The following PDE4B variants were observed in gnomAD, a reference collection of about 807,000 sequenced individuals.
PDE4B encodes the protein 3',5'-cyclic-AMP phosphodiesterase 4B.
A neutral mutation model predicts 82.2 loss-of-function variants in PDE4B; 20 were observed. That is an observed-to-expected ratio of 0.24 (90% confidence interval 0.17 to 0.35). PDE4B has a LOEUF of 0.35. PDE4B is among the 10% of genes least tolerant of loss of function. The pLI, the probability that PDE4B is intolerant of heterozygous loss-of-function variation, is 1.00. For synonymous variants in PDE4B, 320 were observed against 318.9 expected, an observed-to-expected ratio of 1.00 and a Z score of -0.04; for missense variants, 655 against 907.2, an observed-to-expected ratio of 0.72 and a Z score of 3.57.
chr1:66,194,388 C>A (rs1648093739), intron 3 of PDE4B, among the ~76,000 whole-genome samples: 1 of 151,962 alleles, frequency 6.6e-6, no homozygotes, highest in Non-Finnish European at 1.5e-5. Context: ...TTCTGTTTAA[C>A]AAAACATATA....
chr1:65,955,599 C>T (rs1649217559), intron 3 of PDE4B, among the ~76,000 whole-genome samples: 1 of 152,156 alleles, frequency 6.6e-6, no homozygotes. Flanking sequence ...ATGTCTACTT[C>T]ACATTGAGTT....
At chr1:65,896,952 G>T (rs1006369158) in intron 1 of PDE4B, among the ~76,000 whole-genome samples, 1 of 152,076 alleles carries the variant, frequency 6.6e-6, no homozygotes, top group Admixed American at 6.6e-5. Context: ...AGGAAGTGAG[G>T]TTGAAAGAGG....
intron 3 of PDE4B, among the ~76,000 whole-genome samples, chr1:66,187,465 G>T (rs544365637): frequency 6.6e-6 from 1 of 152,190 alleles, no homozygotes; most frequent in South Asian, 2.1e-4. Flanking sequence ...TCTGGTCCTG[G>T]ACTCTTTTTG....
chr1:66,272,939 C>T (rs964005845), intron 7 of PDE4B, among the ~76,000 whole-genome samples: 2 of 151,460 alleles, frequency 1.3e-5, no homozygotes, highest in African/African-American at 4.9e-5. Flanking sequence ...TACAGGACCC[C>T]ACCACCGTGC....
intron 1 of PDE4B, among the ~76,000 whole-genome samples, chr1:65,816,190 A>AGTGTATGT (rs1553186975): frequency 1.5e-5 from 2 of 132,798 alleles, no homozygotes; most frequent in East Asian, 4.2e-4. Context: ...TTATTAATGC[A>AGTGTATGT]GTGTGTGTGT....
intron 3 of PDE4B, among the ~76,000 whole-genome samples, chr1:66,067,268 A>T (rs915889014): frequency 1.3e-5 from 2 of 151,988 alleles, no homozygotes; most frequent in South Asian, 4.2e-4. Context: ...CGCCACACTG[A>T]CTTCCACAAT....
chr1:66,263,659 A>G (rs1654842126), intron 6 of PDE4B, among the ~76,000 whole-genome samples: 2 of 152,188 alleles, frequency 1.3e-5, no homozygotes, highest in Non-Finnish European at 2.9e-5. Flanking sequence ...TATGGACTGT[A>G]ACATGAAGAA....
intron 3 of PDE4B, among the ~76,000 whole-genome samples, chr1:65,962,554 G>A (rs890147831): frequency 1.3e-5 from 2 of 152,144 alleles, no homozygotes; most frequent in Non-Finnish European, 2.9e-5. Context: ...GTCCATGAAG[G>A]GCCCTGGGAT....
chr1:65,866,693 G>A (rs1269430185), intron 1 of PDE4B, among the ~76,000 whole-genome samples: 1 of 152,144 alleles, frequency 6.6e-6, no homozygotes, highest in Non-Finnish European at 1.5e-5. Flanking sequence ...AGACAACAGA[G>A]GAACATGTTA....
chr1:66,365,639 T>G (rs7538869), intron 12 of PDE4B, 28 bp from the exon 13 acceptor site: 100,122 of 1,326,650 alleles, frequency 0.075, 4,711 homozygotes, highest in African/African-American at 0.2. Context: ...ATTGGATGTG[T>G]AGTTAAATGT....
chr1:66,179,130 C>A (rs1321512313), intron 3 of PDE4B, among the ~76,000 whole-genome samples: 1 of 152,118 alleles, frequency 6.6e-6, no homozygotes, highest in Non-Finnish European at 1.5e-5. Context: ...GGATTACAGG[C>A]GTGAGCCACC....
intron 1 of PDE4B, among the ~76,000 whole-genome samples, chr1:65,824,391 G>T (rs1463814104): frequency 1.3e-5 from 2 of 151,940 alleles, no homozygotes; most frequent in Non-Finnish European, 2.9e-5. Flanking sequence ...TAATATTTTA[G>T]TGTGAGTATG....
intron 7 of PDE4B, 116 bp downstream of exon 7, chr1:66,266,203 G>C (rs6588193): frequency 0.44 from 368,320 of 828,582 alleles, 89,849 homozygotes; most frequent in Non-Finnish European, 0.52. Flanking sequence ...GCTCTCAAAA[G>C]TATGTCTCTT....
intron 1 of PDE4B, among the ~76,000 whole-genome samples, chr1:65,875,807 G>C (rs1162169964): frequency 5.6e-5 from 7 of 124,412 alleles, no homozygotes; most frequent in Admixed American, 8.9e-5. Flanking sequence ...GTGGTGGGGT[G>C]GGGGGAGGGG....
At chr1:66,053,118 A>C (rs1655126482) in intron 3 of PDE4B, among the ~76,000 whole-genome samples, 1 of 152,196 alleles carries the variant, frequency 6.6e-6, no homozygotes, top group East Asian at 1.9e-4. Flanking sequence ...ATATCTAAGC[A>C]GGTATTTAAG....
intron 3 of PDE4B, among the ~76,000 whole-genome samples, chr1:66,141,973 TG>T (rs768814497): frequency 3.9e-5 from 6 of 152,332 alleles, no homozygotes; most frequent in Non-Finnish European, 7.4e-5. Context: ...AATAGCCTAC[TG>T]TTGCTCAGAA....
Position 66,223,467 on chromosome 1 carries a change from T to A in PDE4B, c.282-23993T>A, listed in dbSNP as rs1651168095. Among the ~76,000 whole-genome samples, 3 of 152,202 alleles carry A rather than the reference T, an allele frequency of 2.0e-5. No homozygotes were observed. In the South Asian group the frequency reaches 6.2e-4, roughly 32 times the overall value. Reference sequence around the variant, plus strand: ...CCTCAGTAGTCCAAGCCTCCCATAATCATTTTAGTATTTTGCTCCATAAGG... The same window carrying A: ...CCTCAGTAGTCCAAGCCTCCCATAAACATTTTAGTATTTTGCTCCATAAGG... On this transcript the variant is annotated intron_variant, in intron 3 of 16. Transcript: ENST00000341517.
At chr1:66,201,299 A>G in intron 3 of PDE4B, among the ~76,000 whole-genome samples, 1 of 152,122 alleles carries the variant, frequency 6.6e-6, no homozygotes, top group Non-Finnish European at 1.5e-5. Flanking sequence ...ATATTGGTCT[A>G]AAATTCTCTT....
At chr1:66,082,634 T>C (rs1331997381) in intron 3 of PDE4B, among the ~76,000 whole-genome samples, 1 of 122,170 alleles carries the variant, frequency 8.2e-6, no homozygotes, top group Non-Finnish European at 1.7e-5. Flanking sequence ...TTTGATAGGA[T>C]TGAAATAATA....
Sources: gnomAD v4.1 joint callset for allele counts (sites outside exome capture counted in the v4.1 genomes callset) on GRCh38, gnomAD v4.1.1 for gene constraint, MANE v1.5 for transcripts, NCBI Gene and HGNC (gene_info 2026-07-23, HGNC 2026-07-21) for gene names.